The following GPN3 variants were observed in gnomAD, a reference collection of about 807,000 sequenced individuals.
GPN3 encodes the protein ATP-binding domain 1 family member C.
A neutral mutation model predicts 38.7 loss-of-function variants in GPN3; 31 were observed. The ratio of observed to expected loss-of-function variants is 0.80; its 90% CI spans 0.60 to 1.08. The LOEUF (loss-of-function observed/expected upper bound fraction) is 1.08. Ranked by LOEUF, GPN3 falls within the 50% of genes least tolerant of loss-of-function variation. GPN3 has a pLI of 0.00. For synonymous variants in GPN3, 116 were observed against 120.2 expected (o/e 0.96, Z 0.23); for missense variants, 301 against 354.4 (o/e 0.85, Z 1.21).
At chr12:110,465,261 T>A (rs1267159465) in intron 1 of GPN3, 47 bp from the exon 2 acceptor site, 1 of 1,019,470 alleles carries the variant, frequency 9.8e-7, no homozygotes, top group African/African-American at 1.6e-5. Flanking sequence ...GGTAGTGTAG[T>A]GCTACCTTCC....
chr12:110,454,866 G>A (rs183441657), intron 6 of GPN3, among the ~76,000 whole-genome samples: 10 of 150,246 alleles, frequency 6.7e-5, no homozygotes, highest in Non-Finnish European at 1.0e-4. Flanking sequence ...TTGTTGGACC[G>A]GGCTGGAGTG....
chr12:110,453,094 T>C lies in GPN3; in HGVS notation c.795A>G (p.Glu265=). 7.2e-7 allele frequency: 1 copy of C among 1,387,708 alleles called. No homozygotes were observed. 86.0% of individuals were successfully genotyped at this position (1,387,708 alleles called of 1,614,324 possible). Residue 265 remains glutamate (E), a splice_region_variant and synonymous_variant, in exon 8 of 8, where the codon GAA becomes GAG. Coordinates refer to ENST00000228827, the MANE Select transcript of GPN3 (RefSeq NM_016301.4). ...GEDLEFKEPK[E]REDESSSMFD... ...ACATAGAGGAAGACTCATCTTCACG[T>C]TCCTGACACAATGGAAACACAAAAT... is the stretch of plus-strand genomic sequence containing the variant.
At chr12:110,461,695 G>A (rs2062591220) in intron 2 of GPN3, among the ~76,000 whole-genome samples, 1 of 152,022 alleles carries the variant, frequency 6.6e-6, no homozygotes, top group African/African-American at 2.4e-5. Flanking sequence ...TCTACCTTAG[G>A]TTTTTACTTA....
chr12:110,461,359 T>G, intron 2 of GPN3: 1 of 716,204 alleles, frequency 1.4e-6, no homozygotes, highest in East Asian at 2.6e-5. Flanking sequence ...CGATGAGAAC[T>G]AATCACTGAT....
chr12:110,461,390 G>T, intron 2 of GPN3: 446 of 428,750 alleles, frequency 1.0e-3, no homozygotes, highest in Middle Eastern at 1.5e-3. Flanking sequence ...ATCAAATAAA[G>T]TTATAAAATT....
At position 110,458,581 on chromosome 12, in the gene GPN3, G is replaced by C. The variant is rs1221123699; in HGVS notation, c.326-947C>G. Reference sequence around the variant, plus strand: ...GAATCACCTAAGGTCCAGAGTTTGAGACCAGCCTGGCCAACACAGTGAAAC... The same window carrying C: ...GAATCACCTAAGGTCCAGAGTTTGACACCAGCCTGGCCAACACAGTGAAAC... On this transcript the variant is annotated intron_variant, in intron 3 of 7. Coordinates refer to ENST00000228827, the MANE Select transcript of GPN3 (RefSeq NM_016301.4). The surrounding 1 kb of genome is among the most constrained non-coding windows in gnomAD (Gnocchi z 4.4). Among the ~76,000 whole-genome samples, 4 of 152,098 alleles carry C rather than the reference G, an allele frequency of 2.6e-5. No homozygotes were observed. The highest frequency in any genetic ancestry group is 9.7e-5 in the African/African-American group (4 of 41,414).
Position 110,452,932 on chromosome 12 carries a change from T to C in GPN3, c.*102A>G. On this transcript the variant is annotated 3_prime_UTR_variant, in exon 8 of 8. Transcript: ENST00000228827. ...GATAAAGAACGAAGTTTTACTTTTT[T>C]TCATTAAAATAAGTAGCTTTCTACT... The C allele has an allele frequency of 1.4e-6, 1 of 728,152 alleles. No homozygotes were observed. The highest frequency in any genetic ancestry group is 2.5e-6 in the Non-Finnish European group (1 of 394,650). 45.1% of individuals were successfully genotyped at this position (728,152 alleles called of 1,614,324 possible). A position where few individuals can be genotyped will look rare whatever the true frequency, so the allele number is the denominator to read the frequency against.
chr12:110,464,623 C>T (rs865821511), intron 2 of GPN3, among the ~76,000 whole-genome samples: 20 of 142,868 alleles, frequency 1.4e-4, no homozygotes, highest in African/African-American at 3.7e-4. Flanking sequence ...GATGGAGTCT[C>T]GCTCTGTTGC....
chr12:110,460,860 A>C lies in GPN3; in HGVS notation c.158-998T>G, dbSNP rs151288499. 2.3e-3 allele frequency: 1,435 copies of C among 624,218 alleles called. 7 individuals carry two copies. The highest frequency in any genetic ancestry group is 8.6e-3 in the Middle Eastern group (20 of 2,330). 38.7% of individuals were successfully genotyped at this position (624,218 alleles called of 1,614,324 possible). A position where few individuals can be genotyped will look rare whatever the true frequency, so the allele number is the denominator to read the frequency against. ...ACGCCTGTAGTTCTAGCCACTCCGG[A>C]GGCTGAGGCAGGAGAATCACTTGAA... On this transcript the variant is annotated intron_variant, in intron 2 of 7. Coordinates refer to ENST00000228827, the MANE Select transcript of GPN3 (RefSeq NM_016301.4).
chr12:110,454,411 CAG>C (rs2062535690), intron 6 of GPN3, among the ~76,000 whole-genome samples: 1 of 143,326 alleles, frequency 7.0e-6, no homozygotes, highest in African/African-American at 2.6e-5. Context: ...TTTGGGGAGA[CAG>C]AGTTTCGCTC....
chr12:110,453,754 T>C lies in GPN3; in HGVS notation c.781A>G (p.Lys261Glu), dbSNP rs1224458945. The change falls in exon 7 of 8, where the codon AAA becomes GAA. Residue 261 changes from lysine to glutamate, a missense_variant. Lys to Glu is a moderately conservative substitution (Grantham distance 56, BLOSUM62 1). Transcript: ENST00000228827. Reference sequence around the variant, plus strand: ...AAACCAGAAATTACCTTTGGTTCTTTAAATTCTAGGTCTTCTCCATATTGA... The same window carrying C: ...AAACCAGAAATTACCTTTGGTTCTTCAAATTCTAGGTCTTCTCCATATTGA... ...AIQYGEDLEF[K>E]EPKEREDESS... 6.2e-7 allele frequency: 1 copy of C among 1,607,480 alleles called. No homozygotes were observed. The highest frequency in any genetic ancestry group is 2.2e-5 in the East Asian group (1 of 44,820).
intron 1 of GPN3, 58 bp downstream of exon 1, chr12:110,468,098 C>A: frequency 6.2e-7 from 1 of 1,613,818 alleles, no homozygotes; most frequent in Non-Finnish European, 8.5e-7. Context: ...CCTCAGGACC[C>A]AATCTCCCGC....
At chr12:110,454,644 A>G (rs7306167) in intron 6 of GPN3, among the ~76,000 whole-genome samples, 22,412 of 150,936 alleles carry the variant, frequency 0.15, 2,334 homozygotes, top group African/African-American at 0.3. Flanking sequence ...GAGCCACTGC[A>G]CACCTGGCGC....
At chr12:110,464,974 C>A in intron 2 of GPN3, 132 bp downstream of exon 2, 2 of 670,180 alleles carry the variant, frequency 3.0e-6, no homozygotes, top group South Asian at 1.7e-5. Context: ...GACCAAATGA[C>A]AAGCTCATGC....
intron 4 of GPN3, 66 bp downstream of exon 4, chr12:110,457,442 ACT>A (rs2062557677): frequency 3.3e-5 from 44 of 1,344,178 alleles, no homozygotes; most frequent in Non-Finnish European, 3.9e-5. Context: ...ACAGAGTAAG[ACT>A]CTGTCACACA....
At chr12:110,455,070 C>T (rs2062540172) in intron 6 of GPN3, among the ~76,000 whole-genome samples, 1 of 150,810 alleles carries the variant, frequency 6.6e-6, no homozygotes, top group Non-Finnish European at 1.5e-5. Context: ...GTGATCCACC[C>T]ACCTCGGCCT....
chr12:110,457,050 A>T (rs529231117), intron 4 of GPN3, among the ~76,000 whole-genome samples: 43 of 152,144 alleles, frequency 2.8e-4, no homozygotes, highest in Middle Eastern at 3.4e-3. Context: ...ATGATATAAT[A>T]ATTTACTATT....
At position 110,457,563 on chromosome 12, in the gene GPN3, G is replaced by A. The variant is rs766044072; in HGVS notation, c.397C>T (p.Arg133Ter). The change falls in exon 4 of 8, where the codon CGA (arginine) becomes TGA (stop). Residue 133 changes from arginine (R) to a stop codon, truncating the protein, a stop_gained. Coordinates refer to ENST00000228827, the MANE Select transcript of GPN3 (RefSeq NM_016301.4). LOFTEE classifies it high-confidence loss of function. ...TCAACAAGAAAAACTCCACAGACTC[G>A]GAACTCCCACTGCTCGAGCTGCTGG... ...LVQQLEQWEF[R>*]VCGVFLVDSQ... 5.0e-6 allele frequency: 8 copies of A among 1,610,480 alleles called. No homozygotes were observed. In the East Asian group the frequency reaches 6.7e-5, roughly 13 times the overall value.
intron 2 of GPN3, among the ~76,000 whole-genome samples, chr12:110,463,606 C>CAAAAAAAAAA (rs60072879): frequency 4.8e-4 from 31 of 64,290 alleles, no homozygotes; most frequent in African/African-American, 8.5e-4. Context: ...CCTGTCTCTA[C>CAAAAAAAAAA]AAAAAAAAAA....
Sources: allele counts gnomAD v4.1 joint callset (sites outside exome capture counted in the v4.1 genomes callset), GRCh38; gene constraint gnomAD v4.1.1; non-coding constraint Gnocchi (gnomAD v3.1); transcripts MANE v1.5; gene names NCBI Gene and HGNC (gene_info 2026-07-23, HGNC 2026-07-21).